The following ANKMY1 variants were observed in gnomAD, a reference collection of about 807,000 sequenced individuals.
The protein encoded by ANKMY1 is ankyrin repeat and MYND domain-containing protein 1.
A neutral mutation model predicts 102.0 loss-of-function variants in ANKMY1; 98 were observed. The observed-to-expected ratio is 0.96, with a 90% CI of 0.82 to 1.14. The LOEUF is 1.14. Ranked by LOEUF, ANKMY1 falls within the 50% of genes most tolerant of loss-of-function variation. ANKMY1 has a pLI of 0.00. For missense variants in ANKMY1, 1,330 were observed against 1,347.6 expected, an observed-to-expected ratio of 0.99 and a Z score of 0.20; for synonymous variants, 582 against 559.9, an observed-to-expected ratio of 1.04 and a Z score of -0.56.
intron 9 of ANKMY1, among the ~76,000 whole-genome samples, chr2:240,518,950 C>T (rs190285600): frequency 1.5e-4 from 23 of 152,340 alleles, no homozygotes; most frequent in African/African-American, 4.6e-4. Context: ...CACTCAATGC[C>T]GCCTGAGTGA....
chr2:240,552,882 G>C, intron 4 of ANKMY1, 32 bp downstream of exon 4: 1 of 1,612,760 alleles, frequency 6.2e-7, no homozygotes. Flanking sequence ...CAGCCACTTC[G>C]ACCCCAGCTG....
At position 240,519,851 on chromosome 2, in the gene ANKMY1, C is replaced by T. The variant is rs192473222; in HGVS notation, c.2004+511G>A. On this transcript the variant is annotated intron_variant, in intron 9 of 17. Transcript: ENST00000401804. Reference sequence around the variant, plus strand: ...GGTGTGGCCTCAGAGAGGGAAGAAGCCGTCCGCTGGGAAAGGCACTTCTTA... The same window carrying T: ...GGTGTGGCCTCAGAGAGGGAAGAAGTCGTCCGCTGGGAAAGGCACTTCTTA... 3.5e-4 allele frequency: 89 copies of T among 252,100 alleles called. 1 individual carries two copies. The East Asian group carries it at 8.6e-3, about 24-fold the overall frequency. The allele number at this position is 252,100 out of a possible 1,614,324, so 15.6% of individuals were successfully genotyped here. A position where few individuals can be genotyped will look rare whatever the true frequency, so the allele number is the denominator to read the frequency against.
Position 240,512,892 on chromosome 2 carries a change from C to T in ANKMY1, c.2055G>A (p.Glu685=), listed in dbSNP as rs2080506857. The change falls in exon 10 of 18, where the codon GAG becomes GAA. Residue 685 remains glutamate, a synonymous_variant. Transcript: ENST00000401804. ...LHIAAALPGE[E]GVQIVELLLH... ...ACAGCAGCTCCACAATCTGTACCCCCTCCTCCCCAGGAAGGGCGGCAGCGA... is the reference window on the plus strand; with the variant it reads ...ACAGCAGCTCCACAATCTGTACCCCTTCCTCCCCAGGAAGGGCGGCAGCGA... 6.2e-7 allele frequency: 1 copy of T among 1,613,882 alleles called. No individual in the cohort carries two copies. Among genetic ancestry groups the T allele is most frequent in the Non-Finnish European group, 8.5e-7 (1 of 1,179,976 alleles).
chr2:240,482,640 A>G (rs2075551519), intron 15 of ANKMY1, among the ~76,000 whole-genome samples: 1 of 152,242 alleles, frequency 6.6e-6, no homozygotes, highest in Non-Finnish European at 1.5e-5. Flanking sequence ...ATTTCTAATT[A>G]AATTCTACTG....
At chr2:240,516,556 A>G (rs2081257170) in intron 9 of ANKMY1, among the ~76,000 whole-genome samples, 1 of 152,240 alleles carries the variant, frequency 6.6e-6, no homozygotes. Context: ...TTGTTGTCTG[A>G]CACAGAAATA....
Position 240,554,960 on chromosome 2 carries a change from C to T in ANKMY1, c.242G>A (p.Gly81Asp), listed in dbSNP as rs760276308. 8 of 1,614,186 alleles carry T rather than the reference C, an allele frequency of 5.0e-6. No individual in the cohort carries two copies. The highest frequency in any genetic ancestry group is 2.2e-5 in the South Asian group (2 of 91,088). Reference sequence around the variant, plus strand: ...GCAACCATCCTGCCACTCCTGCACACCCTGGACGAGCTGGATGTAGGACTC... The same window carrying T: ...GCAACCATCCTGCCACTCCTGCACATCCTGGACGAGCTGGATGTAGGACTC... ...LRESYIQLVQ[G>D]VQEWQDGCMY... Residue 81 changes from glycine to aspartate, a missense_variant, in exon 3 of 18, where the codon GGT becomes GAT. Coordinates refer to ENST00000401804, the MANE Select transcript of ANKMY1 (RefSeq NM_001282771.3).
At chr2:240,553,213 G>T in intron 3 of ANKMY1, 156 bp from the exon 4 acceptor site, 1 of 840,106 alleles carries the variant, frequency 1.2e-6, no homozygotes, top group South Asian at 1.8e-5. Context: ...ATTAGAGTCG[G>T]CAACTGAAGC....
intron 17 of ANKMY1, among the ~76,000 whole-genome samples, chr2:240,480,310 C>G (rs2075220491): frequency 1.3e-5 from 2 of 152,336 alleles, no homozygotes; most frequent in African/African-American, 2.4e-5. Flanking sequence ...CCCACCAGGC[C>G]GGGAACCCAG....
chr2:240,509,193 A>AGGGGTGGGTGAGTGGATGGG (rs2079636449), intron 12 of ANKMY1, among the ~76,000 whole-genome samples, 155 bp downstream of exon 12: 1 of 145,972 alleles, frequency 6.9e-6, no homozygotes. Flanking sequence ...GGGTGGATAG[A>AGGGGTGGGTGAGTGGATGGG]TGGGTGGGTG....
chr2:240,501,391 C>G (rs1379663999), intron 13 of ANKMY1, among the ~76,000 whole-genome samples: 2 of 152,298 alleles, frequency 1.3e-5, no homozygotes, highest in South Asian at 4.1e-4. Context: ...ATAGGTACAA[C>G]AATCCCATCC....
chr2:240,552,987 C>T lies in ANKMY1; in HGVS notation c.407G>A (p.Ser136Asn), dbSNP rs2091789986. Residue 136 changes from serine to asparagine, a missense_variant, in exon 4 of 18, where the codon AGT becomes AAT. Ser to Asn is a conservative substitution (Grantham distance 46, BLOSUM62 1). Transcript: ENST00000401804. ...GCTGAGGTAAAATGTGCCCGTGAAA[C>T]TGGAGCCATCTGGCCACATGTAGGT... ...LGTYMWPDGS[S>N]FTGTFYLSHR... The T allele has an allele frequency of 1.2e-6, 2 of 1,613,950 alleles. No homozygotes were observed. The highest frequency in any genetic ancestry group is 1.7e-6 in the Non-Finnish European group (2 of 1,180,016).
At chr2:240,486,656 C>A (rs2076096189) in intron 15 of ANKMY1, among the ~76,000 whole-genome samples, 1 of 152,118 alleles carries the variant, frequency 6.6e-6, no homozygotes, top group Non-Finnish European at 1.5e-5. Context: ...TAACTCTGAG[C>A]ACTTTGTTTT....
chr2:240,501,414 A>T (rs2078161450), intron 13 of ANKMY1, among the ~76,000 whole-genome samples: 1 of 152,302 alleles, frequency 6.6e-6, no homozygotes, highest in South Asian at 2.1e-4. Context: ...AGCAAATATC[A>T]TCTAAAGAGG....
At chr2:240,550,846 C>CT (rs2091388374) in intron 4 of ANKMY1, among the ~76,000 whole-genome samples, 1 of 152,148 alleles carries the variant, frequency 6.6e-6, no homozygotes, top group Non-Finnish European at 1.5e-5. Context: ...CTTGTCATCT[C>CT]TATCTTTTGA....
intron 15 of ANKMY1, among the ~76,000 whole-genome samples, chr2:240,483,317 C>T (rs2075653313): frequency 6.6e-6 from 1 of 152,160 alleles, no homozygotes; most frequent in African/African-American, 2.4e-5. Flanking sequence ...CCACCACACC[C>T]AGCTAATTTT....
At chr2:240,474,536 A>T (rs1213960770), downstream of ANKMY1, among the ~76,000 whole-genome samples, 1 of 152,110 alleles carries the variant, frequency 6.6e-6, no homozygotes, top group Non-Finnish European at 1.5e-5. Context: ...CCTAGTACCT[A>T]ATAGTTATTT....
At chr2:240,537,410 A>ATT (rs2087092484) in intron 4 of ANKMY1, among the ~76,000 whole-genome samples, 1 of 152,192 alleles carries the variant, frequency 6.6e-6, no homozygotes, top group Admixed American at 6.5e-5. Flanking sequence ...ATAACTTAAG[A>ATT]ATTTCCCCTT....
At chr2:240,509,326 T>C in intron 12 of ANKMY1, 22 bp downstream of exon 12, 1 of 1,591,594 alleles carries the variant, frequency 6.3e-7, no homozygotes, top group Non-Finnish European at 8.6e-7. Flanking sequence ...TGCACAGGTC[T>C]GTGGGTACAG....
intron 15 of ANKMY1, among the ~76,000 whole-genome samples, chr2:240,487,771 T>C (rs530865944): frequency 6.6e-6 from 1 of 152,204 alleles, no homozygotes; most frequent in Non-Finnish European, 1.5e-5. Context: ...ACTGGCTGTT[T>C]GTACGTCTTC....
Sources: allele counts gnomAD v4.1 joint callset (sites outside exome capture counted in the v4.1 genomes callset), GRCh38; gene constraint gnomAD v4.1.1; transcripts MANE v1.5; gene names NCBI Gene and HGNC (gene_info 2026-07-23, HGNC 2026-07-21).